The following BAHCC1 variants were observed in gnomAD, a reference collection of about 807,000 sequenced individuals.
BAHCC1 encodes BAH and coiled-coil domain-containing protein 1.
A neutral mutation model predicts 88.2 loss-of-function variants in BAHCC1; 43 were observed. That is an observed-to-expected ratio of 0.49 (90% CI 0.38 to 0.63). The LOEUF is 0.63. BAHCC1 is among the 20% of genes least tolerant of loss of function. BAHCC1 has a pLI of 0.00. For missense variants in BAHCC1, 3,023 were observed against 1,654.8 expected, an observed-to-expected ratio of 1.83 and a Z score of -14.34; for synonymous variants, 1,510 against 745.5, an observed-to-expected ratio of 2.03 and a Z score of -16.71.
Position 81,435,153 on chromosome 17 carries a change from C to G in BAHCC1, c.359-3217C>G, listed in dbSNP as rs1448417713. On this transcript the variant is annotated intron_variant, in intron 3 of 27. Transcript: ENST00000675386. The surrounding 1 kb of genome is among the most constrained non-coding windows in gnomAD (Gnocchi z 4.4). ...TCTCTCCTCCTGCCCACACCACAGG[C>G]CTCCTACCTGCAACCCTTGACCTCC... is the stretch of plus-strand genomic sequence containing the variant. Among the ~76,000 whole-genome samples, 3 of 152,138 alleles carry G rather than the reference C, an allele frequency of 2.0e-5. No homozygotes were observed. The highest frequency in any genetic ancestry group is 4.4e-5 in the Non-Finnish European group (3 of 67,994).
At chr17:81,426,239 A>G in intron 2 of BAHCC1, among the ~76,000 whole-genome samples, 1 of 135,084 alleles carries the variant, frequency 7.4e-6, no homozygotes, top group Non-Finnish European at 1.6e-5. Context: ...GTGGTGGGTG[A>G]TGTGGTTGGT....
intron 11 of BAHCC1, chr17:81,451,158 C>T (rs190096201): frequency 3.1e-4 from 49 of 156,476 alleles, no homozygotes; most frequent in African/African-American, 1.2e-3. Context: ...GTTGAAGCCA[C>T]GTAGACAGAC....
At chr17:81,446,526 C>CTTTTTTTTT (rs869297780) in intron 10 of BAHCC1, among the ~76,000 whole-genome samples, 5 of 49,224 alleles carry the variant, frequency 1.0e-4, no homozygotes, top group Non-Finnish European at 1.4e-4. Flanking sequence ...CTGCTCACAC[C>CTTTTTTTTT]TTTTTTTTTT....
At chr17:81,396,758 G>C (rs1598441664) in intron 1 of BAHCC1, 1 of 152,250 alleles carries the variant, frequency 6.6e-6, no homozygotes, top group Admixed American at 6.5e-5. Flanking sequence ...AGGGACCGGC[G>C]GCTCCAGGGT....
intron 2 of BAHCC1, among the ~76,000 whole-genome samples, chr17:81,417,335 C>A (rs2064045874): frequency 6.6e-6 from 1 of 152,150 alleles, no homozygotes; most frequent in Non-Finnish European, 1.5e-5. Context: ...GACCGCCCCA[C>A]AGCCCTCCAG....
intron 16 of BAHCC1, among the ~76,000 whole-genome samples, chr17:81,456,813 C>G (rs2064757948): frequency 6.6e-6 from 1 of 152,064 alleles, no homozygotes. Context: ...GCATGCCTCA[C>G]CCCCATGTCA....
rs782481709 is a variant in BAHCC1 at position 81,462,106 on chromosome 17, T to A, written c.7383+60T>A. 1.2e-5 allele frequency: 8 copies of A among 675,602 alleles called. No individual in the cohort carries two copies. The African/African-American group carries it at 1.4e-4, about 12-fold the overall frequency. 41.9% of individuals were successfully genotyped at this position (675,602 alleles called of 1,614,324 possible). ...TCCCAAGGAAACCGGGGCGGGCTCA[T>A]GCGCCCCTGCTGCCCTTCCCTCTCC... On this transcript the variant is annotated intron_variant, in intron 26 of 27. Coordinates refer to ENST00000675386, the MANE Select transcript of BAHCC1 (RefSeq NM_001377448.1).
rs782335537 is a variant in BAHCC1, at chr17:81,442,360, C to T, written c.1011C>T (p.Cys337=). ...PPEPGPAFSE[C]LERRQMLHHT... is the part of the protein sequence containing the mutation. The stretch of plus-strand genomic sequence containing the variant: ...AGCCCGGGCCGGCCTTCAGCGAGTG[C>T]CTGGAGCGGCGGCAGATGCTACACC... Residue 337 remains cysteine (C), a synonymous_variant, in exon 5 of 28, where the codon TGC becomes TGT. Transcript: ENST00000675386. 38 of 701,466 alleles carry T rather than the reference C, an allele frequency of 5.4e-5. No individual in the cohort carries two copies. The highest frequency in any genetic ancestry group is 1.4e-4 in the Admixed American group (7 of 48,834). The allele number at this position is 701,466 out of a possible 1,614,324, so 43.5% of individuals were successfully genotyped here.
At position 81,434,002 on chromosome 17, in the gene BAHCC1, C is replaced by A. The variant is rs964860509; in HGVS notation, c.359-4368C>A. On this transcript the variant is annotated intron_variant, in intron 3 of 27. Transcript: ENST00000675386. The surrounding 1 kb of genome is among the most constrained non-coding windows in gnomAD (Gnocchi z 4.9). ...CGTGTGGCTGCACGGCAGGGACGTC[C>A]TGCGTGACAGGGACGATGTGCAGAA... 1.3e-5 allele frequency among the ~76,000 whole-genome samples: 2 copies of A among 152,180 alleles called. No homozygotes were observed. Among genetic ancestry groups the A allele is most frequent in the African/African-American group, 4.8e-5 (2 of 41,446 alleles).
Position 81,463,886 on chromosome 17 carries a change from C to T in BAHCC1, c.*69C>T, listed in dbSNP as rs2030518383. 2.9e-6 allele frequency: 2 copies of T among 690,466 alleles called. No homozygotes were observed. Among genetic ancestry groups the T allele is most frequent in the Non-Finnish European group, 5.3e-6 (2 of 376,980 alleles). The allele number at this position is 690,466 out of a possible 1,614,324, so 42.8% of individuals were successfully genotyped here. A position where few individuals can be genotyped will look rare whatever the true frequency, so the allele number is the denominator to read the frequency against. On this transcript the variant is annotated 3_prime_UTR_variant, in exon 28 of 28. Coordinates refer to ENST00000675386, the MANE Select transcript of BAHCC1 (RefSeq NM_001377448.1). ...GTGCGGAGCCTGGCGTCGGCCAAGC[C>T]ACCGGGCAGGAGGCAGCCCCGGCCT...
Position 81,461,167 on chromosome 17 carries a change from C to G in BAHCC1, c.6504C>G (p.Phe2168Leu). ...GCCTGGCCAGCTCCTACGCGCCCTT[C>G]GTCGGGGGGACCGGGCCGGGCCTCC... ...FSSLASSYAP[F>L]VGGTGPGLPR... is the part of the protein sequence containing the mutation. Residue 2168 changes from phenylalanine (F) to leucine (L), a missense_variant, in exon 26 of 28, where the codon TTC (phenylalanine) becomes TTG (leucine). Physicochemically the swap from Phe to Leu is conservative, Grantham distance 22. Transcript: ENST00000675386. 1 of 755,330 alleles carries G rather than the reference C, an allele frequency of 1.3e-6. No homozygotes were observed. Among genetic ancestry groups the G allele is most frequent in the Admixed American group, 1.7e-5 (1 of 57,168 alleles). The allele number at this position is 755,330 out of a possible 1,614,324, so 46.8% of individuals were successfully genotyped here.
At chr17:81,406,590 C>T (rs558579711) in intron 2 of BAHCC1, among the ~76,000 whole-genome samples, 21 of 152,368 alleles carry the variant, frequency 1.4e-4, no homozygotes, top group African/African-American at 3.1e-4. Context: ...GCTCGGGCTC[C>T]GCCCGCTGAC....
Position 81,460,975 on chromosome 17 carries a change from C to G in BAHCC1, c.6312C>G (p.Thr2104=), listed in dbSNP as rs570384148. The G allele has an allele frequency of 9.1e-6, 7 of 772,974 alleles. No homozygotes were observed. The African/African-American group carries it at 1.2e-4, about 13-fold the overall frequency. 47.9% of individuals were successfully genotyped at this position (772,974 alleles called of 1,614,324 possible). Residue 2104 remains threonine (T), a synonymous_variant, in exon 26 of 28, where the codon ACC becomes ACG. Coordinates refer to ENST00000675386, the MANE Select transcript of BAHCC1 (RefSeq NM_001377448.1). ...PLLSWSAVAQ[T]KRKAVAAASK... ...TGAGCTGGTCCGCGGTGGCGCAGACCAAGCGGAAGGCGGTGGCAGCGGCCA... is the reference window on the plus strand; with the variant it reads ...TGAGCTGGTCCGCGGTGGCGCAGACGAAGCGGAAGGCGGTGGCAGCGGCCA...
rs575688281 is a variant in BAHCC1 at position 81,435,364 on chromosome 17, G to A, written c.359-3006G>A. 24 of 456,258 alleles carry A rather than the reference G, an allele frequency of 5.3e-5. No homozygotes were observed. Among genetic ancestry groups the A allele is most frequent in the African/African-American group, 1.2e-4 (6 of 49,964 alleles). 28.3% of individuals were successfully genotyped at this position (456,258 alleles called of 1,614,324 possible). On this transcript the variant is annotated intron_variant, in intron 3 of 27. Coordinates refer to ENST00000675386, the MANE Select transcript of BAHCC1 (RefSeq NM_001377448.1). The surrounding 1 kb of genome is among the most constrained non-coding windows in gnomAD (Gnocchi z 4.4). ...CTGAGTTTGGAGTCTCCTGCCCACC[G>A]CAGTAGCAGGGGCAGGATGTGGGGA...
At chr17:81,403,818 G>A (rs2063846312) in intron 2 of BAHCC1, among the ~76,000 whole-genome samples, 1 of 152,226 alleles carries the variant, frequency 6.6e-6, no homozygotes, top group South Asian at 2.1e-4. Flanking sequence ...ATCCGGGAAT[G>A]TGGGGCCGCG....
Position 81,451,810 on chromosome 17 carries a change from G to C in BAHCC1, c.4119G>C (p.Arg1373Ser), listed in dbSNP as rs782705687. 1.3e-6 allele frequency: 1 copy of C among 759,460 alleles called. No homozygotes were observed. Among genetic ancestry groups the C allele is most frequent in the Non-Finnish European group, 2.4e-6 (1 of 414,706 alleles). 47.0% of individuals were successfully genotyped at this position (759,460 alleles called of 1,614,324 possible). ...CAGCCAACCCCTGCAGCGGCCCCAG[G>C]CTCACCCCCCGCATGCAGATCCTGC... ...PPTANPCSGP[R>S]LTPRMQILQR... The change falls in exon 12 of 28, where the codon AGG becomes AGC. Residue 1373 changes from arginine to serine, a missense_variant. Transcript: ENST00000675386.
chr17:81,461,968 C>T lies in BAHCC1; in HGVS notation c.7305C>T (p.Pro2435=), dbSNP rs1381118226. 1 of 774,552 alleles carries T rather than the reference C, an allele frequency of 1.3e-6. No homozygotes were observed. The highest frequency in any genetic ancestry group is 2.3e-4 in the Middle Eastern group (1 of 4,426). The allele number at this position is 774,552 out of a possible 1,614,324, so 48.0% of individuals were successfully genotyped here. A position where few individuals can be genotyped will look rare whatever the true frequency, so the allele number is the denominator to read the frequency against. The change falls in exon 26 of 28, where the codon CCC becomes CCT. Residue 2435 remains proline, a synonymous_variant. Transcript: ENST00000675386. ...AKELSRRQRP[P]SVENRPKISA... ...AGCTCTCCCGGAGGCAGCGGCCGCC[C>T]TCCGTGGAAAACCGGCCAAAGATCT...
At chr17:81,406,684 A>G (rs782476677) in intron 2 of BAHCC1, among the ~76,000 whole-genome samples, 10 of 152,226 alleles carry the variant, frequency 6.6e-5, no homozygotes, top group Non-Finnish European at 1.5e-4. Context: ...CTATAATATT[A>G]CTGCCTCCCG....
rs1455314544 is a variant in BAHCC1 at position 81,442,210 on chromosome 17, C to G, written c.861C>G (p.Thr287=). ...PKHLTSCLLN[T]KVLNGEMGRA... ...ACCTCACCTCCTGCCTCCTCAACAC[C>G]AAGGTGCTCAACGGCGAGATGGGCA... Residue 287 remains threonine (T), a synonymous_variant, in exon 5 of 28, where the codon ACC becomes ACG. Transcript: ENST00000675386. 6.1e-6 allele frequency: 4 copies of G among 653,386 alleles called. No homozygotes were observed. Among genetic ancestry groups the G allele is most frequent in the Non-Finnish European group, 1.1e-5 (4 of 361,374 alleles). The allele number at this position is 653,386 out of a possible 1,614,324, so 40.5% of individuals were successfully genotyped here. A position where few individuals can be genotyped will look rare whatever the true frequency, so the allele number is the denominator to read the frequency against.
Sources: allele counts gnomAD v4.1 joint callset (sites outside exome capture counted in the v4.1 genomes callset), GRCh38; gene constraint gnomAD v4.1.1; non-coding constraint Gnocchi (gnomAD v3.1); transcripts MANE v1.5; gene names NCBI Gene and HGNC (gene_info 2026-07-23, HGNC 2026-07-21).